WDFY3: variants seen among roughly 807,000 people sequenced by gnomAD.
The protein encoded by WDFY3 is WD repeat and FYVE domain containing 3.
Under a neutral mutation model 409.6 loss-of-function variants are expected in WDFY3, and 66 were observed. That is an observed-to-expected ratio of 0.16 (90% CI 0.13 to 0.20). WDFY3 has a LOEUF of 0.20. WDFY3 is among the 10% of genes least tolerant of loss of function. The pLI is 1.00. For synonymous variants in WDFY3, 1,521 were observed against 1,537.1 expected (o/e 0.99, Z 0.25); for missense variants, 3,031 against 4,298.1 (o/e 0.71, Z 8.24).
chr4:84,942,720 A>C (rs1451561749), intron 1 of WDFY3, among the ~76,000 whole-genome samples: 1 of 152,188 alleles, frequency 6.6e-6, no homozygotes, highest in Non-Finnish European at 1.5e-5. Context: ...CCTCGGTAAA[A>C]TATCTGTTCA....
At chr4:84,861,086 G>A (rs796362354) in intron 3 of WDFY3, among the ~76,000 whole-genome samples, 4 of 152,014 alleles carry the variant, frequency 2.6e-5, no homozygotes, top group South Asian at 4.1e-4. Context: ...TAGTGTGCGC[G>A]TATAGTCCCA....
intron 3 of WDFY3, among the ~76,000 whole-genome samples, chr4:84,883,133 C>CA (rs1380031135): frequency 6.6e-6 from 1 of 151,980 alleles, no homozygotes; most frequent in Non-Finnish European, 1.5e-5. Context: ...AAAAGGAGAG[C>CA]AAAAAACTAT....
rs572879180 is a variant in WDFY3 at position 84,799,132 on chromosome 4, ATACTT to A, written c.2823-1029_2823-1025del. Among the ~76,000 whole-genome samples the A allele has an allele frequency of 2.6e-5, 4 of 152,022 alleles. No homozygotes were observed. In the East Asian group the frequency reaches 7.7e-4, roughly 29 times the overall value. ...TTTTTCACCTGATTAACTCTCTTCC[ATACTT>A]TAGAGTTTTTTATTTATCATCATTT... On this transcript the variant is annotated intron_variant, in intron 17 of 67. Transcript: ENST00000295888.
In WDFY3 at chr4:84,756,992, A is replaced by T; in HGVS notation, c.5358T>A (p.Ser1786Arg). The stretch of plus-strand genomic sequence containing the variant: ...TGACCTGCAGGTTCTCAGGCAGCTC[A>T]CTAACTGGCTGCTGCAGAAACAAGG... ...LMALFLQQPV[S>R]ELPENLQVSV... The change falls in exon 33 of 68, where the codon AGT (serine) becomes AGA (arginine). Residue 1786 changes from serine to arginine, a missense_variant. Physicochemically the swap from Ser to Arg is moderately radical, Grantham distance 110. This residue lies in a region of WDFY3 where 342 missense variants were observed against 463.7 expected (regional missense o/e 0.74). Transcript: ENST00000295888. 6.2e-7 allele frequency: 1 copy of T among 1,614,058 alleles called. No individual in the cohort carries two copies. The highest frequency in any genetic ancestry group is 8.5e-7 in the Non-Finnish European group (1 of 1,179,952).
At chr4:84,742,480 A>G (rs1224061355) in intron 37 of WDFY3, among the ~76,000 whole-genome samples, 1 of 152,102 alleles carries the variant, frequency 6.6e-6, no homozygotes, top group Non-Finnish European at 1.5e-5. Flanking sequence ...TGTTTGCCAT[A>G]TACATATTGC....
At chr4:84,725,037 T>C (rs2149108035) in intron 45 of WDFY3, among the ~76,000 whole-genome samples, 1 of 152,316 alleles carries the variant, frequency 6.6e-6, no homozygotes, top group Middle Eastern at 3.4e-3. Flanking sequence ...ACACTCAGAA[T>C]AATCGGTGTG....
chr4:84,949,660 T>C (rs150502318), intron 1 of WDFY3, among the ~76,000 whole-genome samples: 50 of 152,320 alleles, frequency 3.3e-4, no homozygotes, highest in Non-Finnish European at 5.3e-4. Flanking sequence ...CTCCTATCAC[T>C]TTCTCCAAAA....
At chr4:84,782,181 CAGA>C (rs1286404314) in intron 25 of WDFY3, among the ~76,000 whole-genome samples, 2 of 152,176 alleles carry the variant, frequency 1.3e-5, no homozygotes, top group African/African-American at 2.4e-5. Context: ...TGTTTATACT[CAGA>C]AGCTCTAATT....
intron 29 of WDFY3, among the ~76,000 whole-genome samples, chr4:84,773,245 T>C (rs1285337209): frequency 6.6e-6 from 1 of 152,184 alleles, no homozygotes; most frequent in Non-Finnish European, 1.5e-5. Context: ...AATATTTAGT[T>C]TGCTTCCTCT....
In WDFY3 at chr4:84,881,965, T is replaced by C. The variant is rs552097105; in HGVS notation, c.-32+14946A>G. ...TAAAGTATGTACATTCGTATGGTCG[T>C]ATTTATACTCAACTATAAGGACATG... On this transcript the variant is annotated intron_variant, in intron 3 of 67. Transcript: ENST00000295888. 3.3e-5 allele frequency among the ~76,000 whole-genome samples: 5 copies of C among 152,330 alleles called. No homozygotes were observed. The South Asian group carries it at 1.0e-3, about 32-fold the overall frequency.
chr4:84,783,155 AATGGTAAC>A, intron 24 of WDFY3, 81 bp from the exon 25 acceptor site: 1 of 1,243,084 alleles, frequency 8.0e-7, no homozygotes, highest in South Asian at 1.3e-5. Flanking sequence ...CAAACACATG[AATGGTAAC>A]ATATCTTTTC....
chr4:84,755,446 A>T, intron 33 of WDFY3, 46 bp from the exon 34 acceptor site: 1 of 1,569,418 alleles, frequency 6.4e-7, no homozygotes, highest in Non-Finnish European at 8.6e-7. Flanking sequence ...CTAATTTTTC[A>T]GTAGAGACCC....
At chr4:84,828,378 A>G (rs568136883) in intron 9 of WDFY3, among the ~76,000 whole-genome samples, 366 of 152,318 alleles carry the variant, frequency 2.4e-3, no homozygotes, top group Non-Finnish European at 3.7e-3. Flanking sequence ...CTTATTAAGT[A>G]CATTAATAAA....
In WDFY3 at chr4:84,702,354, T is replaced by C. The variant is rs779523060; in HGVS notation, c.8595A>G (p.Leu2865=). 1.2e-6 allele frequency: 2 copies of C among 1,605,734 alleles called. No homozygotes were observed. The highest frequency in any genetic ancestry group is 1.1e-5 in the South Asian group (1 of 89,486). ...EFLFNSNNFD[L]GCKQNGTKLG... ...AGACAGTGCCATAGCTCTACGTACCTAGATCAAAGTTGTTGGAATTGAACA... is the reference window on the plus strand; with the variant it reads ...AGACAGTGCCATAGCTCTACGTACCCAGATCAAAGTTGTTGGAATTGAACA... The change falls in exon 56 of 68, where the codon CTA becomes CTG. Residue 2865 remains leucine (L), a splice_region_variant and synonymous_variant. Coordinates refer to ENST00000295888, the MANE Select transcript of WDFY3 (RefSeq NM_014991.6).
At chr4:84,682,181 T>A (rs1727476322) in intron 64 of WDFY3, among the ~76,000 whole-genome samples, 193 bp downstream of exon 64, 1 of 152,202 alleles carries the variant, frequency 6.6e-6, no homozygotes, top group Non-Finnish European at 1.5e-5. Flanking sequence ...ACCACTACAC[T>A]GAATGTTGCC....
At chr4:84,901,136 G>T (rs1272562074) in intron 2 of WDFY3, among the ~76,000 whole-genome samples, 1 of 152,246 alleles carries the variant, frequency 6.6e-6, no homozygotes, top group South Asian at 2.1e-4. Context: ...GTTTAGAAGG[G>T]TCTTAATCCC....
intron 1 of WDFY3, among the ~76,000 whole-genome samples, chr4:84,949,216 AT>A (rs1279556492): frequency 6.6e-6 from 1 of 152,186 alleles, no homozygotes; most frequent in African/African-American, 2.4e-5. Flanking sequence ...ATTTTGAGAT[AT>A]GGAAAAGGTA....
intron 22 of WDFY3, among the ~76,000 whole-genome samples, chr4:84,788,764 T>A (rs1386715559): frequency 1.3e-5 from 2 of 152,144 alleles, no homozygotes; most frequent in Non-Finnish European, 2.9e-5. Context: ...TAACTGGCTA[T>A]ATCCCAGCAT....
At position 84,670,293 on chromosome 4, in the gene WDFY3, A is replaced by C. The variant is rs1169897112; in HGVS notation, c.*2575T>G. 6.5e-6 allele frequency: 1 copy of C among 152,714 alleles called. No individual in the cohort carries two copies. The highest frequency in any genetic ancestry group is 2.4e-5 in the African/African-American group (1 of 41,482). 9.5% of individuals were successfully genotyped at this position (152,714 alleles called of 1,614,324 possible). A position where few individuals can be genotyped will look rare whatever the true frequency, so the allele number is the denominator to read the frequency against. On this transcript the variant is annotated 3_prime_UTR_variant, in exon 68 of 68. Coordinates refer to ENST00000295888, the MANE Select transcript of WDFY3 (RefSeq NM_014991.6). ...TACTCTCAGAAAAAGAATGCAGACC[A>C]TACTAAGGTAGATGTACATGTTGAC...
Sources: gnomAD v4.1 joint callset for allele counts (sites outside exome capture counted in the v4.1 genomes callset) on GRCh38, gnomAD v4.1.1 for gene constraint, gnomAD v4.1.1 regional missense constraint, MANE v1.5 for transcripts, NCBI Gene and HGNC (gene_info 2026-07-23, HGNC 2026-07-21) for gene names.